ESRRG: variants seen among roughly 807,000 people sequenced by gnomAD.
ESRRG encodes the protein estrogen related receptor gamma.
ESRRG carries 13 observed loss-of-function variants against 44.0 expected under a neutral mutation model. The observed-to-expected ratio is 0.30, with a 90% confidence interval of 0.19 to 0.47. The LOEUF (loss-of-function observed/expected upper bound fraction) is 0.47, where lower values mean the gene tolerates loss of function less well. Ranked by LOEUF, ESRRG falls within the 20% of genes least tolerant of loss-of-function variation. The pLI is 1.00. For synonymous variants in ESRRG, 215 were observed against 214.6 expected (o/e 1.00, Z -0.02); for missense variants, 395 against 580.6 (o/e 0.68, Z 3.29).
chr1:216,866,857 T>G (rs186925506), intron 2 of ESRRG, among the ~76,000 whole-genome samples: 1 of 152,296 alleles, frequency 6.6e-6, no homozygotes, highest in African/African-American at 2.4e-5. Context: ...TTGATGTGGG[T>G]TTTCAAACTT....
chr1:216,736,411 C>T (rs113028685), intron 2 of ESRRG, among the ~76,000 whole-genome samples: 3 of 151,998 alleles, frequency 2.0e-5, no homozygotes, highest in African/African-American at 4.8e-5. Flanking sequence ...TCTCGATCTG[C>T]GGACCTCGTG....
chr1:217,049,046 T>C (rs1359036678), intron 1 of ESRRG, among the ~76,000 whole-genome samples: 1 of 152,134 alleles, frequency 6.6e-6, no homozygotes, highest in African/African-American at 2.4e-5. Flanking sequence ...CTAGCTCCTC[T>C]GTCACTCCAG....
chr1:217,025,216 T>C (rs1374652644), intron 1 of ESRRG, among the ~76,000 whole-genome samples: 25 of 152,174 alleles, frequency 1.6e-4, no homozygotes, highest in Admixed American at 1.6e-3. Flanking sequence ...AGTGCTTTTG[T>C]TTTCTGAAAA....
At chr1:216,813,972 T>C (rs1169078440) in intron 2 of ESRRG, among the ~76,000 whole-genome samples, 1 of 152,258 alleles carries the variant, frequency 6.6e-6, no homozygotes, top group African/African-American at 2.4e-5. Flanking sequence ...TTAAGCATGC[T>C]AATTTGTCAT....
upstream of ESRRG, among the ~76,000 whole-genome samples, chr1:216,727,496 G>A (rs11572662): frequency 1.9e-4 from 29 of 151,912 alleles, no homozygotes; most frequent in South Asian, 4.2e-4. Flanking sequence ...TCTGAAAATT[G>A]GGGTTTCTTT....
intron 2 of ESRRG, among the ~76,000 whole-genome samples, chr1:216,771,731 TA>T (rs1279372806): frequency 6.6e-6 from 1 of 152,032 alleles, no homozygotes; most frequent in Non-Finnish European, 1.5e-5. Flanking sequence ...TTATTTACTG[TA>T]CTGTGGTATT....
intron 1 of ESRRG, among the ~76,000 whole-genome samples, chr1:216,995,270 ATC>A (rs1485775113): frequency 2.0e-4 from 31 of 152,108 alleles, no homozygotes; most frequent in African/African-American, 6.8e-4. Context: ...GGCCACTGTC[ATC>A]TCTCACCCTG....
chr1:216,551,013 G>T (rs563734266), intron 5 of ESRRG, among the ~76,000 whole-genome samples: 2 of 152,128 alleles, frequency 1.3e-5, no homozygotes, highest in Non-Finnish European at 2.9e-5. Context: ...GCCAGGAGGC[G>T]TGGTTGACAT....
chr1:216,632,023 A>G (rs1386812252), intron 3 of ESRRG, among the ~76,000 whole-genome samples: 2 of 152,196 alleles, frequency 1.3e-5, no homozygotes, highest in African/African-American at 2.4e-5. Context: ...GAAAGAAAAC[A>G]TGGTAGACAT....
chr1:216,831,224 T>C (rs2095482344), intron 2 of ESRRG, among the ~76,000 whole-genome samples: 1 of 152,038 alleles, frequency 6.6e-6, no homozygotes, highest in Non-Finnish European at 1.5e-5. Flanking sequence ...CTGGTGTTGT[T>C]AGCAGAGGCT....
chr1:216,887,289 T>C (rs559558941), intron 2 of ESRRG, among the ~76,000 whole-genome samples: 3 of 152,286 alleles, frequency 2.0e-5, no homozygotes, highest in Admixed American at 6.5e-5. Flanking sequence ...AAGTAAACTT[T>C]CCTGGAATTG....
chr1:217,026,153 AT>A (rs2081147156), intron 1 of ESRRG, among the ~76,000 whole-genome samples: 1 of 152,114 alleles, frequency 6.6e-6, no homozygotes. Flanking sequence ...GCAACTCGTG[AT>A]TTAATTCCTG....
intron 2 of ESRRG, among the ~76,000 whole-genome samples, chr1:216,821,515 GTC>G (rs2095287331): frequency 6.6e-6 from 1 of 151,268 alleles, no homozygotes. Flanking sequence ...GTGAGACCCT[GTC>G]TCTATAAAAA....
chr1:217,135,495 G>A (rs1460479411), intron 1 of ESRRG, among the ~76,000 whole-genome samples: 1 of 151,910 alleles, frequency 6.6e-6, no homozygotes, highest in African/African-American at 2.4e-5. Context: ...AGGGGCAGAG[G>A]CGGAGGCCAA....
chr1:216,581,874 T>A (rs2062836980), intron 3 of ESRRG, among the ~76,000 whole-genome samples: 1 of 152,216 alleles, frequency 6.6e-6, no homozygotes, highest in Admixed American at 6.5e-5. Context: ...TTCCCAAAAA[T>A]GTTTGCTAAT....
chr1:216,788,695 G>A (rs1186676677), intron 2 of ESRRG, among the ~76,000 whole-genome samples: 1 of 152,160 alleles, frequency 6.6e-6, no homozygotes, highest in Non-Finnish European at 1.5e-5. Flanking sequence ...GCCATAGACA[G>A]TGGTTCCTCT....
intron 5 of ESRRG, among the ~76,000 whole-genome samples, chr1:216,545,440 A>G (rs1160742949): frequency 6.6e-6 from 1 of 152,012 alleles, no homozygotes. Flanking sequence ...CATACGTTCT[A>G]AAAATGTCCA....
At chr1:216,980,578 C>T (rs2073785442) in intron 1 of ESRRG, among the ~76,000 whole-genome samples, 1 of 152,010 alleles carries the variant, frequency 6.6e-6, no homozygotes, top group South Asian at 2.1e-4. Flanking sequence ...TACTGTTTAC[C>T]CACATTATCT....
chr1:216,555,204 A>T (rs1388030048), intron 5 of ESRRG, among the ~76,000 whole-genome samples: 1 of 152,200 alleles, frequency 6.6e-6, no homozygotes, highest in African/African-American at 2.4e-5. Context: ...GAAAAAAAGC[A>T]TACAGATGAG....
Sources: gnomAD v4.1 joint callset for allele counts (sites outside exome capture counted in the v4.1 genomes callset) on GRCh38, gnomAD v4.1.1 for gene constraint, MANE v1.5 for transcripts, NCBI Gene and HGNC (gene_info 2026-07-23, HGNC 2026-07-21) for gene names.